The following NBAS variants were observed in gnomAD, a reference collection of about 807,000 sequenced individuals.
NBAS encodes NBAS subunit of NRZ tethering complex.
NBAS carries 219 observed loss-of-function variants against 302.5 expected under a neutral mutation model. That is an observed-to-expected ratio of 0.72 (90% CI 0.65 to 0.81). NBAS has a LOEUF of 0.81. Ranked by LOEUF, NBAS falls within the 30% of genes least tolerant of loss-of-function variation. NBAS has a pLI of 0.00. For missense variants in NBAS, 2,932 were observed against 2,841.6 expected (o/e 1.03, Z -0.72); for synonymous variants, 1,118 against 1,021.6 (o/e 1.09, Z -1.80).
At chr2:15,556,647 TG>T in intron 3 of NBAS, 135 bp downstream of exon 3, 1 of 782,394 alleles carries the variant, frequency 1.3e-6, no homozygotes, top group Non-Finnish European at 2.2e-6. Flanking sequence ...ATGTTTGAAA[TG>T]TCTCATACTG....
At chr2:15,068,911 C>T in the NBAS span, among the ~76,000 whole-genome samples, 2 of 152,200 alleles carry the variant, frequency 1.3e-5, no homozygotes, top group African/African-American at 4.8e-5. Context: ...TCAAGAGCTG[C>T]ATCCAGTGAG....
chr2:14,874,481 A>T, the NBAS span, among the ~76,000 whole-genome samples: 1 of 145,040 alleles, frequency 6.9e-6, no homozygotes, highest in African/African-American at 2.6e-5. Context: ...AAAAAAAAAA[A>T]TACAAAAAAT....
At chr2:15,250,995 AGAC>A (rs1668338082) in intron 44 of NBAS, among the ~76,000 whole-genome samples, 1 of 152,238 alleles carries the variant, frequency 6.6e-6, no homozygotes, top group Non-Finnish European at 1.5e-5. Context: ...GCTACTATAA[AGAC>A]ACATGCATAC....
chr2:14,902,186 C>A, the NBAS span, among the ~76,000 whole-genome samples: 1 of 152,178 alleles, frequency 6.6e-6, no homozygotes, highest in Non-Finnish European at 1.5e-5. Context: ...GGCTAGAGTG[C>A]AGTGGCATGA....
the NBAS span, among the ~76,000 whole-genome samples, chr2:15,112,637 A>G: frequency 6.6e-6 from 1 of 152,152 alleles, no homozygotes; most frequent in East Asian, 1.9e-4. Flanking sequence ...AAACAAACAC[A>G]CATCAAGTTA....
intron 16 of NBAS, 134 bp downstream of exon 16, chr2:15,473,088 G>C: frequency 9.8e-7 from 1 of 1,015,604 alleles, no homozygotes; most frequent in South Asian, 1.5e-5. Context: ...CATTTTTCCA[G>C]CTGAGAAAAT....
chr2:15,304,532 G>C (rs1304509799), intron 40 of NBAS, among the ~76,000 whole-genome samples: 1 of 152,218 alleles, frequency 6.6e-6, no homozygotes, highest in East Asian at 1.9e-4. Context: ...ACAGTTTGGA[G>C]GGCTCAGAAG....
the NBAS span, among the ~76,000 whole-genome samples, chr2:14,900,112 C>CTTTTTTTTT: frequency 7.1e-5 from 10 of 140,636 alleles, no homozygotes; most frequent in African/African-American, 5.2e-5. Flanking sequence ...AAGTCACATG[C>CTTTTTTTTT]TTTTTTTTTT....
At chr2:15,497,142 G>T (rs1681102531) in intron 11 of NBAS, among the ~76,000 whole-genome samples, 1 of 152,172 alleles carries the variant, frequency 6.6e-6, no homozygotes, top group Non-Finnish European at 1.5e-5. Context: ...CATGAGATCA[G>T]TCTGCAGAGA....
At chr2:14,836,189 A>C in the NBAS span, among the ~76,000 whole-genome samples, 1 of 151,950 alleles carries the variant, frequency 6.6e-6, no homozygotes, top group Non-Finnish European at 1.5e-5. Context: ...TATTTTCTGT[A>C]AGAGGTTTTT....
At chr2:14,941,860 G>A in the NBAS span, among the ~76,000 whole-genome samples, 1 of 152,092 alleles carries the variant, frequency 6.6e-6, no homozygotes, top group African/African-American at 2.4e-5. Flanking sequence ...ACTTCAATAT[G>A]CAAACATAAT....
chr2:15,446,341 AT>A (rs145103794), intron 21 of NBAS, among the ~76,000 whole-genome samples: 1,908 of 152,326 alleles, frequency 0.013, 35 homozygotes, highest in African/African-American at 0.043. Flanking sequence ...AGAAACAAAG[AT>A]AAAGAATGAC....
At chr2:15,203,886 G>GCC (rs531843405) in intron 48 of NBAS, among the ~76,000 whole-genome samples, 4 of 114,060 alleles carry the variant, frequency 3.5e-5, no homozygotes, top group East Asian at 6.9e-4. Context: ...GTGTGTGTGT[G>GCC]TGCTTGTGTG....
chr2:15,425,882 C>T (rs1677447492), intron 22 of NBAS, among the ~76,000 whole-genome samples: 1 of 152,164 alleles, frequency 6.6e-6, no homozygotes, highest in African/African-American at 2.4e-5. Context: ...CCCTTTGCCC[C>T]TCGTCAGTCT....
the NBAS span, among the ~76,000 whole-genome samples, chr2:14,900,117 T>TTTTTTTTTTTTTTTTTTTTTTTTTTTTC: frequency 6.6e-6 from 1 of 151,800 alleles, no homozygotes; most frequent in Non-Finnish European, 1.5e-5. Flanking sequence ...ACATGCTTTT[T>TTTTTTTTTTTTTTTTTTTTTTTTTTTTC]TTTTTTTTTG....
At chr2:15,205,574 T>C (rs1488318429) in intron 48 of NBAS, among the ~76,000 whole-genome samples, 1 of 152,054 alleles carries the variant, frequency 6.6e-6, no homozygotes, top group Non-Finnish European at 1.5e-5. Context: ...AAAAGAGATA[T>C]TCCATGCCAA....
chr2:15,115,575 A>G, the NBAS span, among the ~76,000 whole-genome samples: 8 of 152,262 alleles, frequency 5.3e-5, no homozygotes, highest in South Asian at 4.1e-4. Flanking sequence ...ATCACAGCTC[A>G]CTGTAACCGC....
At chr2:15,486,661 T>A (rs1332642501) in intron 12 of NBAS, among the ~76,000 whole-genome samples, 3 of 152,240 alleles carry the variant, frequency 2.0e-5, no homozygotes, top group African/African-American at 7.2e-5. Flanking sequence ...GTCCCATTAC[T>A]TTTCTGACTG....
At chr2:14,876,915 A>G in the NBAS span, among the ~76,000 whole-genome samples, 2 of 152,184 alleles carry the variant, frequency 1.3e-5, no homozygotes, top group Admixed American at 1.3e-4. Context: ...GGAATGCAGC[A>G]CCTCATTGGA....
Sources: gnomAD v4.1 joint callset for allele counts (sites outside exome capture counted in the v4.1 genomes callset) on GRCh38, gnomAD v4.1.1 for gene constraint, MANE v1.5 for transcripts, NCBI Gene and HGNC (gene_info 2026-07-23, HGNC 2026-07-21) for gene names.